Variants in DHX32 observed in about 807,000 individuals in gnomAD.
The protein encoded by DHX32 is DEAH-box helicase 32 (putative), also known as putative pre-mRNA-splicing factor ATP-dependent RNA helicase DHX32.
DHX32 carries 51 observed loss-of-function variants against 70.0 expected under a neutral mutation model. The observed-to-expected ratio is 0.73, with a 90% CI of 0.58 to 0.92. The LOEUF is 0.92. Ranked by LOEUF, DHX32 falls within the 40% of genes least tolerant of loss-of-function variation. The probability of loss-of-function intolerance (pLI) is 0.00; values close to 1 mark genes in which losing one functional copy is unlikely to be tolerated. For missense variants in DHX32, 762 were observed against 891.8 expected (o/e 0.85, Z 1.85); for synonymous variants, 310 against 315.3 (o/e 0.98, Z 0.18).
At chr10:125,893,962 A>C (rs1165501026) in intron 1 of DHX32, among the ~76,000 whole-genome samples, 1 of 152,178 alleles carries the variant, frequency 6.6e-6, no homozygotes, top group Non-Finnish European at 1.5e-5. Context: ...AATAAGAAAA[A>C]GACTACATCT....
At chr10:125,836,934 C>G in intron 10 of DHX32, 79 bp from the exon 11 acceptor site, 1 of 1,285,370 alleles carries the variant, frequency 7.8e-7, no homozygotes, top group Non-Finnish European at 1.1e-6. Flanking sequence ...CTGGGCACTT[C>G]CCATCCCTGG....
intron 6 of DHX32, among the ~76,000 whole-genome samples, chr10:125,850,917 C>A (rs1013160558): frequency 6.6e-6 from 1 of 152,240 alleles, no homozygotes; most frequent in African/African-American, 2.4e-5. Context: ...TAGCGGCAGT[C>A]TCAGGCCATC....
At chr10:125,874,834 A>G (rs1034722879) in intron 1 of DHX32, among the ~76,000 whole-genome samples, 1 of 152,218 alleles carries the variant, frequency 6.6e-6, no homozygotes, top group African/African-American at 2.4e-5. Flanking sequence ...AGAAAGACAG[A>G]GAGAAACAGA....
intron 1 of DHX32, among the ~76,000 whole-genome samples, chr10:125,879,870 C>T (rs1944307008): frequency 6.6e-6 from 1 of 152,188 alleles, no homozygotes. Flanking sequence ...TCTTGAACTC[C>T]TGGGCTCAAA....
intron 3 of DHX32, chr10:125,854,865 G>A (rs955239833): frequency 2.0e-5 from 3 of 152,160 alleles, no homozygotes; most frequent in Admixed American, 6.5e-5. Flanking sequence ...AGAACAAAAC[G>A]TTTTCTCCAT....
Position 125,879,656 on chromosome 10 carries a change from G to GT in DHX32, c.282+886dup, listed in dbSNP as rs562768774. On this transcript the variant is annotated intron_variant, in intron 1 of 10. Coordinates refer to ENST00000284690, the MANE Select transcript of DHX32 (RefSeq NM_018180.3). ...CTCAAACAAACTCCTTGTTTTTTTTGTTTTTTTTCTGAGACAAGGTCTCTC... is the reference window on the plus strand; with the variant it reads ...CTCAAACAAACTCCTTGTTTTTTTTGTTTTTTTTTCTGAGACAAGGTCTCTC... Among the ~76,000 whole-genome samples, 56 of 151,566 alleles carry GT rather than the reference G, an allele frequency of 3.7e-4. No homozygotes were observed. The South Asian group carries it at 9.2e-3, about 25-fold the overall frequency.
intron 1 of DHX32, among the ~76,000 whole-genome samples, chr10:125,889,157 C>T (rs142348703): frequency 7.9e-5 from 12 of 152,194 alleles, no homozygotes; most frequent in Non-Finnish European, 1.5e-4. Context: ...AACACTATTG[C>T]AAACACTCAC....
chr10:125,838,021 C>G (rs1854751469), intron 10 of DHX32, among the ~76,000 whole-genome samples, 185 bp downstream of exon 10: 1 of 152,184 alleles, frequency 6.6e-6, no homozygotes, highest in Non-Finnish European at 1.5e-5. Flanking sequence ...ATGCTGTAAT[C>G]TAACAGGCAG....
chr10:125,883,165 C>T (rs1944327648), upstream of DHX32, among the ~76,000 whole-genome samples: 1 of 152,156 alleles, frequency 6.6e-6, no homozygotes. Flanking sequence ...TCTGAATAGT[C>T]TTCTTTCTAA....
intron 1 of DHX32, among the ~76,000 whole-genome samples, chr10:125,877,466 C>T (rs999644653): frequency 6.6e-6 from 1 of 151,986 alleles, no homozygotes; most frequent in Non-Finnish European, 1.5e-5. Flanking sequence ...GTGGGAGGAT[C>T]GCTTGAGCCC....
At chr10:125,841,551 A>G (rs1854880719) in intron 7 of DHX32, 192 bp downstream of exon 7, 1 of 1,428,824 alleles carries the variant, frequency 7.0e-7, no homozygotes, top group South Asian at 1.6e-5. Flanking sequence ...TTTTCTTAAG[A>G]TAATTTTTCA....
At position 125,866,844 on chromosome 10, in the gene DHX32, T is replaced by G; in HGVS notation, c.476+146A>C. 1.3e-6 allele frequency: 1 copy of G among 764,592 alleles called. No individual in the cohort carries two copies. The highest frequency in any genetic ancestry group is 2.7e-5 in the East Asian group (1 of 37,458). 47.4% of individuals were successfully genotyped at this position (764,592 alleles called of 1,614,324 possible). On this transcript the variant is annotated intron_variant, in intron 2 of 10. Coordinates refer to ENST00000284690, the MANE Select transcript of DHX32 (RefSeq NM_018180.3). The surrounding 1 kb of genome is among the most constrained non-coding windows in gnomAD (Gnocchi z 4.8). ...TGATGCCAGTGTGGGAAAGCAACTG[T>G]TGCTGGCTGGCTGATGACAGAGACC...
intron 4 of DHX32, among the ~76,000 whole-genome samples, chr10:125,852,879 C>A (rs544231546): frequency 1.6e-3 from 241 of 152,290 alleles, no homozygotes; most frequent in Non-Finnish European, 2.3e-3. Flanking sequence ...AACTATGAGA[C>A]CTTTGTGTCA....
At chr10:125,894,760 G>A (rs1368859659) in intron 1 of DHX32, among the ~76,000 whole-genome samples, 4 of 152,306 alleles carry the variant, frequency 2.6e-5, no homozygotes, top group African/African-American at 9.6e-5. Flanking sequence ...TAAATGCCAG[G>A]TGTTTTTTAA....
rs35025096 is a variant in DHX32 at position 125,879,015 on chromosome 10, GTTTTTTTTTTTTTT to G, written c.282+1514_282+1527del. ...GAGCCACAGCGCCCAGCCTTTTCTT[GTTTTTTTTTTTTTT>G]TTTTTTTTTTTTGAGACGGGGTCTT... On this transcript the variant is annotated intron_variant, in intron 1 of 10. Transcript: ENST00000284690. Among the ~76,000 whole-genome samples the G allele has an allele frequency of 8.6e-4, 49 of 56,674 alleles. 1 individual carries two copies. The East Asian group carries it at 0.024, about 27-fold the overall frequency. The allele number at this position is 56,674 out of a possible 152,430, so 37.2% of individuals were successfully genotyped here.
At chr10:125,841,373 A>G (rs745405994) in intron 7 of DHX32, 1 of 1,613,240 alleles carries the variant, frequency 6.2e-7, no homozygotes, top group Non-Finnish European at 8.5e-7. Flanking sequence ...AAAACATACA[A>G]GCCAGGATGA....
chr10:125,852,284 T>A lies in DHX32; in HGVS notation c.1351+9A>T. The A allele has an allele frequency of 6.2e-7, 1 of 1,612,560 alleles. No individual in the cohort carries two copies. The highest frequency in any genetic ancestry group is 2.2e-5 in the East Asian group (1 of 44,842). Reference sequence around the variant, plus strand: ...CTAATGCCTGGCTGACATGGGAGCATAAGGCTACCTGGTCTGTTCATGAAG... The same window carrying A: ...CTAATGCCTGGCTGACATGGGAGCAAAAGGCTACCTGGTCTGTTCATGAAG... On this transcript the variant is annotated intron_variant, in intron 6 of 10. Transcript: ENST00000284690.
chr10:125,874,769 T>C (rs1189400307), intron 1 of DHX32, among the ~76,000 whole-genome samples: 1 of 151,824 alleles, frequency 6.6e-6, no homozygotes, highest in Non-Finnish European at 1.5e-5. Context: ...TTTTAAGATA[T>C]AGAAAGAGAG....
intron 2 of DHX32, among the ~76,000 whole-genome samples, chr10:125,861,192 AG>A (rs948812245): frequency 6.6e-6 from 1 of 151,992 alleles, no homozygotes; most frequent in African/African-American, 2.4e-5. Context: ...AGATTTGGGG[AG>A]GGTCCTCACC....
Sources: allele counts gnomAD v4.1 joint callset (sites outside exome capture counted in the v4.1 genomes callset), GRCh38; gene constraint gnomAD v4.1.1; non-coding constraint Gnocchi (gnomAD v3.1); transcripts MANE v1.5; gene names NCBI Gene and HGNC (gene_info 2026-07-23, HGNC 2026-07-21).